The following PAN3 variants were observed in gnomAD, a reference collection of about 807,000 sequenced individuals.
PAN3 encodes poly(A) specific ribonuclease subunit PAN3.
A neutral mutation model predicts 96.2 loss-of-function variants in PAN3; 19 were observed. The ratio of observed to expected loss-of-function variants is 0.20; its 90% CI spans 0.14 to 0.29. The LOEUF is 0.29. PAN3 is among the 10% of genes least tolerant of loss of function. The pLI is 1.00. For synonymous variants in PAN3, 433 were observed against 406.6 expected, an observed-to-expected ratio of 1.06 and a Z score of -0.78; for missense variants, 882 against 1,108.1, an observed-to-expected ratio of 0.80 and a Z score of 2.90.
intron 6 of PAN3, among the ~76,000 whole-genome samples, chr13:28,236,836 ACTCAAGCGATC>A (rs1883156938): frequency 6.6e-6 from 1 of 151,958 alleles, no homozygotes; most frequent in Non-Finnish European, 1.5e-5. Flanking sequence ...GAACTCCTGG[ACTCAAGCGATC>A]CTCCTGCCTT....
Position 28,138,722 on chromosome 13 carries a change from C to T in PAN3, c.65C>T (p.Ala22Val). 2.4e-6 allele frequency: 3 copies of T among 1,235,160 alleles called. No individual in the cohort carries two copies. The highest frequency in any genetic ancestry group is 2.1e-6 in the Non-Finnish European group (2 of 964,034). 76.5% of individuals were successfully genotyped at this position (1,235,160 alleles called of 1,614,324 possible). Residue 22 changes from alanine (A) to valine (V), a missense_variant, in exon 1 of 19, where the codon GCG (alanine) becomes GTG (valine). By Grantham distance (64) the Ala-to-Val change is moderately conservative. Transcript: ENST00000380958. ...AAASPSSSSL[A>V]AAVAVVAPPG... ...GCCTCCCCTTCCTCCTCCTCGCTGGCGGCGGCGGTGGCGGTGGTGGCCCCG... is the reference window on the plus strand; with the variant it reads ...GCCTCCCCTTCCTCCTCCTCGCTGGTGGCGGCGGTGGCGGTGGTGGCCCCG...
At chr13:28,144,220 T>G (rs544230996) in intron 1 of PAN3, among the ~76,000 whole-genome samples, 2,432 of 142,530 alleles carry the variant, frequency 0.017, 75 homozygotes, top group African/African-American at 0.059. Flanking sequence ...TGTTTTTTTT[T>G]TTTTTTTTTT....
At chr13:28,150,099 AGAGAT>A (rs1273201826) in intron 1 of PAN3, among the ~76,000 whole-genome samples, 2 of 152,176 alleles carry the variant, frequency 1.3e-5, no homozygotes, top group Non-Finnish European at 2.9e-5. Flanking sequence ...TACTTGATTG[AGAGAT>A]GAGATCACGG....
chr13:28,138,375 C>T (rs966045758), upstream of PAN3: 2 of 193,266 alleles, frequency 1.0e-5, no homozygotes, highest in African/African-American at 2.3e-5. Context: ...CGTCTGGGCC[C>T]GCGCGCTCAC....
chr13:28,214,609 T>A (rs9554287), intron 5 of PAN3: 25,487 of 418,088 alleles, frequency 0.061, 1,588 homozygotes, highest in East Asian at 0.33. Flanking sequence ...ACAAATGTGG[T>A]GGAATCAACA....
At chr13:28,279,345 C>T (rs896121706) in intron 15 of PAN3, among the ~76,000 whole-genome samples, 2 of 152,188 alleles carry the variant, frequency 1.3e-5, no homozygotes, top group Admixed American at 6.5e-5. Context: ...AAGGCTCATT[C>T]AGTTTAGCAA....
chr13:28,287,698 T>C (rs7333458), intron 17 of PAN3, among the ~76,000 whole-genome samples: 152,025 of 152,382 alleles, frequency 1, 75,835 homozygotes, highest in Middle Eastern at 1. Flanking sequence ...TATTTAAAGA[T>C]ATTTTTACCT....
At chr13:28,163,281 C>T (rs1226027356) in intron 1 of PAN3, among the ~76,000 whole-genome samples, 2 of 152,038 alleles carry the variant, frequency 1.3e-5, no homozygotes, top group South Asian at 2.1e-4. Flanking sequence ...GGCTTAAATA[C>T]TGTAGTTGAA....
chr13:28,280,491 T>C lies in PAN3; in HGVS notation c.2269T>C (p.Leu757=), dbSNP rs748594283. 3 of 1,613,842 alleles carry C rather than the reference T, an allele frequency of 1.9e-6. No individual in the cohort carries two copies. The highest frequency in any genetic ancestry group is 1.7e-5 in the Admixed American group (1 of 60,000). The stretch of plus-strand genomic sequence containing the variant: ...GATTGGTGCTCGATTTTATACTCAA[T>C]TGGATGCTGCTCAAATGAGAAATGA... ...PMIGARFYTQ[L]DAAQMRNDVI... Residue 757 remains leucine, a synonymous_variant, in exon 16 of 19, where the codon TTG becomes CTG. Transcript: ENST00000380958.
chr13:28,282,680 C>T (rs567935923), intron 17 of PAN3, among the ~76,000 whole-genome samples: 3 of 152,084 alleles, frequency 2.0e-5, no homozygotes, highest in South Asian at 2.1e-4. Flanking sequence ...AAATAGGTAA[C>T]CTATCAGTTC....
intron 17 of PAN3, among the ~76,000 whole-genome samples, chr13:28,286,355 C>T (rs1868969860): frequency 6.6e-6 from 1 of 152,212 alleles, no homozygotes; most frequent in African/African-American, 2.4e-5. Context: ...CTCTCTTTCA[C>T]CCTTTTTAGA....
At chr13:28,149,963 T>C (rs781040968) in intron 1 of PAN3, among the ~76,000 whole-genome samples, 2 of 152,156 alleles carry the variant, frequency 1.3e-5, no homozygotes, top group Non-Finnish European at 2.9e-5. Context: ...TTTAGAGATA[T>C]CAAATACAGC....
Position 28,257,709 on chromosome 13 carries a change from T to TATATATAATAAATATATATTATATATATA in PAN3, c.1248+1179_1248+1180insAAATATATATTATATATATAATATATAAT, listed in dbSNP as rs1566234904. Among the ~76,000 whole-genome samples, 6 of 139,036 alleles carry TATATATAATAAATATATATTATATATATA rather than the reference T, an allele frequency of 4.3e-5. No homozygotes were observed. In the South Asian group the frequency reaches 6.6e-4, roughly 15 times the overall value. The allele number at this position is 139,036 out of a possible 152,430, so 91.2% of individuals were successfully genotyped here. On this transcript the variant is annotated intron_variant, in intron 7 of 18. Transcript: ENST00000380958. ...TTATATAAATATATATTATATATAT[T>TATATATAATAAATATATATTATATATATA]ATATATAATTAATATATATTATATA... is the stretch of plus-strand genomic sequence containing the variant.
At chr13:28,235,550 T>C (rs1882999253) in intron 6 of PAN3, among the ~76,000 whole-genome samples, 1 of 152,142 alleles carries the variant, frequency 6.6e-6, no homozygotes, top group African/African-American at 2.4e-5. Context: ...CTGCTTTTTA[T>C]TGATTAGGTC....
chr13:28,273,771 A>G (rs1234193515), intron 14 of PAN3, among the ~76,000 whole-genome samples: 1 of 152,188 alleles, frequency 6.6e-6, no homozygotes, highest in East Asian at 1.9e-4. Flanking sequence ...TTTTTTGAAC[A>G]TTTATTAACT....
intron 4 of PAN3, among the ~76,000 whole-genome samples, chr13:28,191,950 G>A (rs2138198308): frequency 6.6e-6 from 1 of 152,134 alleles, no homozygotes; most frequent in Non-Finnish European, 1.5e-5. Flanking sequence ...GTGTTGCCCA[G>A]GCTGATCTTG....
chr13:28,231,957 G>A (rs956188253), intron 6 of PAN3, among the ~76,000 whole-genome samples: 2 of 152,112 alleles, frequency 1.3e-5, no homozygotes, highest in South Asian at 2.1e-4. Flanking sequence ...GAAATTTGTC[G>A]TTTTATTGCA....
At chr13:28,207,991 A>T (rs562956275) in intron 5 of PAN3, among the ~76,000 whole-genome samples, 4 of 152,266 alleles carry the variant, frequency 2.6e-5, no homozygotes, top group Non-Finnish European at 5.9e-5. Context: ...AAATGGATGG[A>T]CCTGGATTAT....
At chr13:28,269,675 A>T (rs997140116) in intron 12 of PAN3, among the ~76,000 whole-genome samples, 2 of 152,132 alleles carry the variant, frequency 1.3e-5, no homozygotes, top group African/African-American at 2.4e-5. Context: ...TAAACAGTTC[A>T]TAGTCATTTT....
Sources: gnomAD v4.1 joint callset for allele counts (sites outside exome capture counted in the v4.1 genomes callset) on GRCh38, gnomAD v4.1.1 for gene constraint, MANE v1.5 for transcripts, NCBI Gene and HGNC (gene_info 2026-07-23, HGNC 2026-07-21) for gene names.